Variants in PRKAR1B observed in about 807,000 individuals in gnomAD.
PRKAR1B encodes the protein cAMP-dependent protein kinase type I-beta regulatory subunit.
In PRKAR1B, 22 loss-of-function variants were observed where a neutral mutation model predicts 46.5. The ratio of observed to expected loss-of-function variants is 0.47; its 90% CI spans 0.34 to 0.68. The LOEUF (loss-of-function observed/expected upper bound fraction) is 0.68. Ranked by LOEUF, PRKAR1B falls within the 30% of genes least tolerant of loss-of-function variation. PRKAR1B has a pLI of 0.01. For synonymous variants in PRKAR1B, 259 were observed against 217.7 expected (o/e 1.19, Z -1.67); for missense variants, 445 against 535.6 (o/e 0.83, Z 1.67).
At chr7:637,971 G>A (rs1473870362) in intron 4 of PRKAR1B, among the ~76,000 whole-genome samples, 1 of 152,252 alleles carries the variant, frequency 6.6e-6, no homozygotes, top group East Asian at 1.9e-4. Flanking sequence ...AGCCTCTGAA[G>A]TGCATGACAT....
At chr7:586,988 A>G (rs1415664389) in intron 7 of PRKAR1B, among the ~76,000 whole-genome samples, 2 of 149,350 alleles carry the variant, frequency 1.3e-5, no homozygotes, top group African/African-American at 2.5e-5. Flanking sequence ...GGTTCACGCC[A>G]TTCTCCTGCC....
At chr7:583,912 G>A (rs955627573) in intron 8 of PRKAR1B, among the ~76,000 whole-genome samples, 5 of 152,188 alleles carry the variant, frequency 3.3e-5, no homozygotes, top group Admixed American at 6.5e-5. Flanking sequence ...CCCAGCTGGC[G>A]CCATCGCGTA....
chr7:550,164 G>A lies in PRKAR1B; in HGVS notation c.*266C>T. 3 of 455,134 alleles carry A rather than the reference G, an allele frequency of 6.6e-6. No individual in the cohort carries two copies. In the East Asian group the frequency reaches 1.4e-4, roughly 21 times the overall value. The allele number at this position is 455,134 out of a possible 1,614,324, so 28.2% of individuals were successfully genotyped here. A position where few individuals can be genotyped will look rare whatever the true frequency, so the allele number is the denominator to read the frequency against. On this transcript the variant is annotated 3_prime_UTR_variant, in exon 11 of 11. Coordinates refer to ENST00000537384, the MANE Select transcript of PRKAR1B (RefSeq NM_001164760.2). ...GGCCCCCCAGGAGAAGCCCACAGAG[G>A]CAGCCGGGGAGGCGTGTGGGGAGGA...
At chr7:589,012 GGTA>G (rs1780830431) in intron 7 of PRKAR1B, among the ~76,000 whole-genome samples, 1 of 150,542 alleles carries the variant, frequency 6.6e-6, no homozygotes, top group African/African-American at 2.4e-5. Context: ...TGACGATAGT[GGTA>G]GTGATGATTA....
chr7:685,521 A>G (rs1039876593), intron 2 of PRKAR1B, among the ~76,000 whole-genome samples: 1 of 151,080 alleles, frequency 6.6e-6, no homozygotes, highest in Non-Finnish European at 1.5e-5. Flanking sequence ...ACTGAAGAAC[A>G]TGAGTGTCTT....
chr7:606,934 GCA>G (rs1371618831), intron 5 of PRKAR1B, among the ~76,000 whole-genome samples: 1 of 152,012 alleles, frequency 6.6e-6, no homozygotes, highest in Non-Finnish European at 1.5e-5. Flanking sequence ...ACATATGTGT[GCA>G]CATATACGTG....
intron 2 of PRKAR1B, among the ~76,000 whole-genome samples, chr7:685,329 T>C (rs1360272531): frequency 1.2e-5 from 1 of 81,108 alleles, no homozygotes; most frequent in Non-Finnish European, 2.3e-5. Context: ...TATATATACG[T>C]ATATATACGT....
intron 4 of PRKAR1B, among the ~76,000 whole-genome samples, chr7:653,775 G>A (rs550056167): frequency 6.6e-6 from 1 of 152,140 alleles, no homozygotes; most frequent in South Asian, 2.1e-4. Flanking sequence ...AGGCCAAATG[G>A]GTTATATACA....
At chr7:583,668 CCACA>C (rs967312131) in intron 8 of PRKAR1B, among the ~76,000 whole-genome samples, 1 of 133,434 alleles carries the variant, frequency 7.5e-6, no homozygotes, top group African/African-American at 3.1e-5. Flanking sequence ...GCGCACACAC[CCACA>C]CACAACCCAC....
At position 661,148 on chromosome 7, in the gene PRKAR1B, C is replaced by T. The variant is rs534357347; in HGVS notation, c.440+16081G>A. The stretch of plus-strand genomic sequence containing the variant: ...TCCCCACCCCAACGGGTCCAAATAC[C>T]TACTCTGCCCCCCATGGCACAGGTC... On this transcript the variant is annotated intron_variant, in intron 4 of 10. Coordinates refer to ENST00000537384, the MANE Select transcript of PRKAR1B (RefSeq NM_001164760.2). Among the ~76,000 whole-genome samples the T allele has an allele frequency of 2.9e-4, 20 of 69,210 alleles. 1 individual carries two copies. Among genetic ancestry groups the T allele is most frequent in the African/African-American group, 1.3e-3 (19 of 14,592 alleles). The allele number at this position is 69,210 out of a possible 152,430, so 45.4% of individuals were successfully genotyped here. A position where few individuals can be genotyped will look rare whatever the true frequency, so the allele number is the denominator to read the frequency against.
At chr7:680,816 G>T in intron 2 of PRKAR1B, 90 bp from the exon 3 acceptor site, 1 of 1,467,522 alleles carries the variant, frequency 6.8e-7, no homozygotes, top group Non-Finnish European at 9.4e-7. Flanking sequence ...CAGCACTGTG[G>T]GAGGACTAGT....
chr7:612,670 G>T (rs1447250376), intron 4 of PRKAR1B, among the ~76,000 whole-genome samples: 1 of 152,232 alleles, frequency 6.6e-6, no homozygotes, highest in Non-Finnish European at 1.5e-5. Flanking sequence ...GGATGGCACT[G>T]CCTCTTTAAG....
At chr7:568,354 A>C (rs554469684) in intron 9 of PRKAR1B, among the ~76,000 whole-genome samples, 19 of 152,242 alleles carry the variant, frequency 1.2e-4, no homozygotes, top group African/African-American at 2.4e-4. Context: ...CTGGGGAGGG[A>C]CAGCAGGGCC....
chr7:616,991 C>CT (rs71016889), intron 4 of PRKAR1B, among the ~76,000 whole-genome samples: 60,623 of 114,610 alleles, frequency 0.53, 18,343 homozygotes, highest in South Asian at 0.77. Flanking sequence ...CACCCAAGTG[C>CT]TTTTTTTTTT....
At chr7:588,696 GTGA>G (rs138548876) in intron 7 of PRKAR1B, among the ~76,000 whole-genome samples, 732 of 8,936 alleles carry the variant, frequency 0.082, 26 homozygotes, top group South Asian at 0.24. Flanking sequence ...GGTGATGGTG[GTGA>G]TGGTGATGGT....
At chr7:587,126 T>C (rs111829487) in intron 7 of PRKAR1B, among the ~76,000 whole-genome samples, 7,159 of 152,158 alleles carry the variant, frequency 0.047, 498 homozygotes, top group African/African-American at 0.15. Context: ...AAGCAACGTA[T>C]GTAGGAAGGA....
chr7:567,633 A>C (rs1779260229), intron 9 of PRKAR1B, among the ~76,000 whole-genome samples: 1 of 152,234 alleles, frequency 6.6e-6, no homozygotes. Flanking sequence ...AATAAAAAAC[A>C]GGCTTGGCTG....
chr7:550,880 C>T (rs1482225133), intron 10 of PRKAR1B, among the ~76,000 whole-genome samples: 2 of 151,720 alleles, frequency 1.3e-5, no homozygotes, highest in Non-Finnish European at 2.9e-5. Flanking sequence ...TGTGCCCAGG[C>T]CTCCCTTAGG....
intron 9 of PRKAR1B, among the ~76,000 whole-genome samples, chr7:572,168 C>T (rs1779559089): frequency 6.6e-6 from 1 of 152,190 alleles, no homozygotes; most frequent in Non-Finnish European, 1.5e-5. Flanking sequence ...GGGCTCAGGG[C>T]TCCCGCTGAC....
Sources: allele counts gnomAD v4.1 joint callset (sites outside exome capture counted in the v4.1 genomes callset), GRCh38; gene constraint gnomAD v4.1.1; transcripts MANE v1.5; gene names NCBI Gene and HGNC (gene_info 2026-07-23, HGNC 2026-07-21).